The following CCSER1 variants were observed in gnomAD, a reference collection of about 807,000 sequenced individuals.
CCSER1 encodes the protein coiled-coil serine rich protein 1.
In CCSER1, 41 loss-of-function variants were observed where a neutral mutation model predicts 82.0. The ratio of observed to expected loss-of-function variants is 0.50; its 90% CI spans 0.39 to 0.65. The LOEUF (loss-of-function observed/expected upper bound fraction) is 0.65, where lower values mean the gene tolerates loss of function less well. CCSER1 is among the 30% of genes least tolerant of loss of function. CCSER1 has a pLI of 0.00. For missense variants in CCSER1, 1,119 were observed against 1,064.2 expected, an observed-to-expected ratio of 1.05 and a Z score of -0.72; for synonymous variants, 414 against 383.9, an observed-to-expected ratio of 1.08 and a Z score of -0.92.
intron 5 of CCSER1, among the ~76,000 whole-genome samples, chr4:90,565,885 C>G (rs1177906133): frequency 3.4e-5 from 5 of 145,204 alleles, no homozygotes; most frequent in African/African-American, 1.3e-4. Context: ...TTTTTTGAGA[C>G]AGTCTTGCTC....
chr4:90,861,804 G>C (rs1181676942), intron 8 of CCSER1, among the ~76,000 whole-genome samples: 1 of 151,128 alleles, frequency 6.6e-6, no homozygotes, highest in Non-Finnish European at 1.5e-5. Context: ...TATATTTCCA[G>C]ATGAGAAAAT....
intron 10 of CCSER1, among the ~76,000 whole-genome samples, chr4:91,390,183 C>T (rs1056885116): frequency 4.0e-5 from 6 of 151,856 alleles, no homozygotes; most frequent in African/African-American, 1.4e-4. Flanking sequence ...TTTTAAAAAA[C>T]TCAATTTGAG....
At chr4:90,743,157 GAATAC>G (rs1746830521) in intron 7 of CCSER1, among the ~76,000 whole-genome samples, 1 of 152,114 alleles carries the variant, frequency 6.6e-6, no homozygotes, top group South Asian at 2.1e-4. Flanking sequence ...GGAATATAAT[GAATAC>G]CACTTTAAAA....
chr4:91,090,101 C>T (rs1357887848), intron 10 of CCSER1, among the ~76,000 whole-genome samples: 1 of 152,152 alleles, frequency 6.6e-6, no homozygotes, highest in Admixed American at 6.6e-5. Context: ...ATCTTGTGCC[C>T]AAGTGGTGGG....
At position 91,366,220 on chromosome 4, in the gene CCSER1, T is replaced by C. The variant is rs112245457; in HGVS notation, c.2218-232352T>C. On this transcript the variant is annotated intron_variant, in intron 10 of 10. Transcript: ENST00000509176. The stretch of plus-strand genomic sequence containing the variant: ...ATTTTTAGTAGAAATTGGGTTTCAC[T>C]ATGTTAGCCAGGCTGGTCTCGAACT... Among the ~76,000 whole-genome samples the C allele has an allele frequency of 7.0e-3, 1,068 of 152,196 alleles. 17 individuals carry two copies. The highest frequency in any genetic ancestry group is 0.024 in the African/African-American group (1,003 of 41,530).
intron 10 of CCSER1, among the ~76,000 whole-genome samples, chr4:91,456,565 A>C (rs1307019691): frequency 6.6e-6 from 1 of 152,034 alleles, no homozygotes; most frequent in South Asian, 2.1e-4. Flanking sequence ...TCTTTTTTTA[A>C]GTTTTTTTCA....
intron 1 of CCSER1, among the ~76,000 whole-genome samples, chr4:90,272,646 T>C (rs753284711): frequency 6.6e-6 from 1 of 152,172 alleles, no homozygotes; most frequent in Non-Finnish European, 1.5e-5. Flanking sequence ...AGCCAAGATA[T>C]GGAAGAAACC....
At chr4:90,929,090 CTA>C (rs1434747781) in intron 9 of CCSER1, among the ~76,000 whole-genome samples, 1 of 152,038 alleles carries the variant, frequency 6.6e-6, no homozygotes, top group African/African-American at 2.4e-5. Context: ...TCCCTGAACA[CTA>C]TTCTTCTTCC....
At chr4:91,572,963 C>G (rs1052658248) in intron 10 of CCSER1, among the ~76,000 whole-genome samples, 5 of 152,088 alleles carry the variant, frequency 3.3e-5, no homozygotes, top group African/African-American at 1.2e-4. Context: ...TGGCCTGCCC[C>G]TCCCTCTGGG....
intron 7 of CCSER1, among the ~76,000 whole-genome samples, chr4:90,752,029 A>G (rs561256426): frequency 1.3e-5 from 2 of 152,192 alleles, no homozygotes; most frequent in Admixed American, 6.5e-5. Flanking sequence ...GCCCTTGAAC[A>G]TGTGGTTTAT....
intron 10 of CCSER1, among the ~76,000 whole-genome samples, chr4:91,519,129 G>C (rs957987281): frequency 5.3e-5 from 8 of 152,204 alleles, no homozygotes; most frequent in Non-Finnish European, 1.0e-4. Flanking sequence ...GGGTAGATGT[G>C]CTGGAGACCT....
chr4:90,930,174 T>C (rs984910820), intron 9 of CCSER1, among the ~76,000 whole-genome samples: 4 of 152,194 alleles, frequency 2.6e-5, no homozygotes, highest in Non-Finnish European at 5.9e-5. Flanking sequence ...TTTCTCTCTG[T>C]CCACTTCTAC....
intron 8 of CCSER1, among the ~76,000 whole-genome samples, chr4:90,914,693 A>G (rs1298592535): frequency 2.0e-5 from 3 of 150,442 alleles, no homozygotes; most frequent in South Asian, 4.2e-4. Context: ...CAAAAAATCA[A>G]TGAATCCAGG....
At chr4:91,352,116 T>C (rs916999995) in intron 10 of CCSER1, among the ~76,000 whole-genome samples, 16 of 152,220 alleles carry the variant, frequency 1.1e-4, no homozygotes, top group Non-Finnish European at 2.1e-4. Flanking sequence ...CAAAGGCAAT[T>C]TGTATGATTC....
chr4:91,463,725 G>C (rs1756665003), intron 10 of CCSER1, among the ~76,000 whole-genome samples: 1 of 152,194 alleles, frequency 6.6e-6, no homozygotes, highest in East Asian at 1.9e-4. Flanking sequence ...TTCAGAAGCT[G>C]ATTCGATCAA....
At position 90,573,000 on chromosome 4, in the gene CCSER1, C is replaced by G. The variant is rs191259679; in HGVS notation, c.1725-55025C>G. 5.4e-3 allele frequency among the ~76,000 whole-genome samples: 818 copies of G among 152,346 alleles called. 3 individuals are homozygous for G. The highest frequency in any genetic ancestry group is 9.0e-3 in the Non-Finnish European group (612 of 68,038). The stretch of plus-strand genomic sequence containing the variant: ...GGAAAGCCCTGAGGTATATGTGGCA[C>G]TAGGGTGCATTAGAAACCTGGGACA... On this transcript the variant is annotated intron_variant, in intron 5 of 10. Coordinates refer to ENST00000509176, the MANE Select transcript of CCSER1 (RefSeq NM_001145065.2).
rs1209092901 is a variant in CCSER1, at chr4:91,603,596, C to T, written c.*4539C>T. On this transcript the variant is annotated 3_prime_UTR_variant, in exon 11 of 11. Coordinates refer to ENST00000509176, the MANE Select transcript of CCSER1 (RefSeq NM_001145065.2). The stretch of plus-strand genomic sequence containing the variant: ...TCTTTTTAGAGCATTTTCAGTGTAG[C>T]CTCATTAACTTCTCCAATTTAATAC... 6.6e-6 allele frequency: 1 copy of T among 152,058 alleles called. No homozygotes were observed. Among genetic ancestry groups the T allele is most frequent in the Admixed American group, 6.6e-5 (1 of 15,228 alleles). 9.4% of individuals were successfully genotyped at this position (152,058 alleles called of 1,614,324 possible).
intron 10 of CCSER1, among the ~76,000 whole-genome samples, chr4:91,591,611 T>C (rs1764275268): frequency 6.6e-6 from 1 of 152,142 alleles, no homozygotes; most frequent in African/African-American, 2.4e-5. Flanking sequence ...ATTACCAAAA[T>C]TTTTTATTTT....
At chr4:90,527,575 C>A (rs939168073) in intron 5 of CCSER1, among the ~76,000 whole-genome samples, 4 of 152,072 alleles carry the variant, frequency 2.6e-5, no homozygotes, top group Admixed American at 2.0e-4. Context: ...CAATGTTTTA[C>A]CAGCACAGTT....
Sources: allele counts gnomAD v4.1 joint callset (sites outside exome capture counted in the v4.1 genomes callset), GRCh38; gene constraint gnomAD v4.1.1; transcripts MANE v1.5; gene names NCBI Gene and HGNC (gene_info 2026-07-23, HGNC 2026-07-21).